ITGA6: variants seen among roughly 807,000 people sequenced by gnomAD.
ITGA6 encodes integrin subunit alpha 6, also known as integrin alpha-6.
In ITGA6, 63 loss-of-function variants were observed where a neutral mutation model predicts 133.6. The observed-to-expected ratio is 0.47, with a 90% CI of 0.38 to 0.58. ITGA6 has a LOEUF of 0.58. Among genes scored for constraint, ITGA6 ranks in the 20% least tolerant of loss-of-function variants. ITGA6 has a pLI of 0.00. For synonymous variants in ITGA6, 434 were observed against 482.0 expected, an observed-to-expected ratio of 0.90 and a Z score of 1.30; for missense variants, 1,068 against 1,309.4, an observed-to-expected ratio of 0.82 and a Z score of 2.85.
intron 9 of ITGA6, among the ~76,000 whole-genome samples, chr2:172,479,141 T>C (rs1030305866): frequency 2.0e-5 from 3 of 152,180 alleles, no homozygotes; most frequent in African/African-American, 7.2e-5. Context: ...GATGTTACAC[T>C]GATACAGTGT....
chr2:172,465,552 G>A lies in ITGA6; in HGVS notation c.196G>A (p.Ala66Thr). 1.9e-6 allele frequency: 3 copies of A among 1,614,172 alleles called. No homozygotes were observed. The highest frequency in any genetic ancestry group is 2.5e-6 in the Non-Finnish European group (3 of 1,180,024). ...TTTCATCAACAGGTTGCTCGTGGGG[G>A]CCCCGCGGGCAGAAGCGCTTCCACT... ...PEDKRLLLVG[A>T]PRAEALPLQR... The change falls in exon 2 of 26, where the codon GCC becomes ACC. Residue 66 changes from alanine to threonine, a missense_variant. By Grantham distance (58) the Ala-to-Thr change is moderately conservative. Coordinates refer to ENST00000684293, the MANE Select transcript of ITGA6 (RefSeq NM_000210.4).
chr2:172,433,173 A>G (rs146102063), intron 1 of ITGA6, among the ~76,000 whole-genome samples: 1 of 152,146 alleles, frequency 6.6e-6, no homozygotes, highest in Non-Finnish European at 1.5e-5. Context: ...GGGCTTGGGT[A>G]CAACTCTGGA....
At chr2:172,458,258 T>TG (rs1386530338) in intron 1 of ITGA6, among the ~76,000 whole-genome samples, 7 of 151,862 alleles carry the variant, frequency 4.6e-5, no homozygotes, top group African/African-American at 1.7e-4. Context: ...TTTTTTTTTT[T>TG]TTGAGACCAT....
intron 1 of ITGA6, among the ~76,000 whole-genome samples, chr2:172,430,060 CT>C (rs1463188604): frequency 2.0e-5 from 3 of 152,308 alleles, no homozygotes; most frequent in African/African-American, 7.2e-5. Flanking sequence ...TTTCAGGGAC[CT>C]GGTGGGAGAG....
intron 9 of ITGA6, 83 bp downstream of exon 9, chr2:172,476,596 C>A: frequency 1.2e-6 from 1 of 823,812 alleles, no homozygotes; most frequent in South Asian, 1.3e-5. Context: ...TGAAATTTGT[C>A]ATACCTATAC....
chr2:172,463,215 A>G (rs1326494559), intron 1 of ITGA6, among the ~76,000 whole-genome samples: 4 of 152,214 alleles, frequency 2.6e-5, no homozygotes, highest in Non-Finnish European at 5.9e-5. Flanking sequence ...TGGGATAAAC[A>G]GGAAATAAGC....
At chr2:172,448,568 T>G (rs909651677) in intron 1 of ITGA6, among the ~76,000 whole-genome samples, 30 of 152,252 alleles carry the variant, frequency 2.0e-4, no homozygotes, top group African/African-American at 7.0e-4. Flanking sequence ...GTTGGGGCAT[T>G]ATTAATAATA....
chr2:172,485,689 A>G (rs1016693949), intron 13 of ITGA6, among the ~76,000 whole-genome samples: 2 of 152,258 alleles, frequency 1.3e-5, no homozygotes, highest in Admixed American at 1.3e-4. Flanking sequence ...AAAAAGTATT[A>G]TTAGCATACA....
At chr2:172,461,490 C>T (rs542920455) in intron 1 of ITGA6, among the ~76,000 whole-genome samples, 1 of 152,184 alleles carries the variant, frequency 6.6e-6, no homozygotes, top group African/African-American at 2.4e-5. Context: ...ATTTCTATCA[C>T]CTCCCTACAA....
Position 172,501,816 on chromosome 2 carries a change from A to G in ITGA6, c.3159A>G (p.Thr1053=), listed in dbSNP as rs1024029933. Residue 1053 remains threonine, a synonymous_variant, in exon 25 of 26, where the codon ACA becomes ACG. Coordinates refer to ENST00000684293, the MANE Select transcript of ITGA6 (RefSeq NM_000210.4). ...ATAAGAAAGATCATTATGATGCCAC[A>G]TATCACAAGGCTGAGATCCATGCTC... ...KRNKKDHYDA[T]YHKAEIHAQP... 97 of 1,612,262 alleles carry G rather than the reference A, an allele frequency of 6.0e-5. No individual in the cohort carries two copies. The highest frequency in any genetic ancestry group is 7.8e-5 in the Non-Finnish European group (92 of 1,178,886).
chr2:172,501,915 GTTT>G lies in ITGA6; in HGVS notation c.*22+18_*22+20del, dbSNP rs748350725. On this transcript the variant is annotated intron_variant, in intron 25 of 25. Coordinates refer to ENST00000684293, the MANE Select transcript of ITGA6 (RefSeq NM_000210.4). ...CTTCTGTAATTGGTAATTGATCAATGTTTTTTAATTGCTAGCTGTGGGACCCGC... is the reference window on the plus strand; with the variant it reads ...CTTCTGTAATTGGTAATTGATCAATGTTTAATTGCTAGCTGTGGGACCCGC... 6.2e-7 allele frequency: 1 copy of G among 1,607,222 alleles called. No homozygotes were observed. The highest frequency in any genetic ancestry group is 1.7e-5 in the Admixed American group (1 of 59,826).
chr2:172,479,989 G>A lies in ITGA6; in HGVS notation c.1488-1G>A. ...AGAAATATGTGTTTGATTTTATTCA[G>A]CCTCCAGGTTAAATCCTGTTTTGAA... On this transcript the variant is annotated splice_acceptor_variant, in intron 10 of 25. Transcript: ENST00000684293. LOFTEE classifies it high-confidence loss of function. 6.3e-7 allele frequency: 1 copy of A among 1,589,174 alleles called. No homozygotes were observed. The highest frequency in any genetic ancestry group is 8.6e-7 in the Non-Finnish European group (1 of 1,157,334).
intron 1 of ITGA6, among the ~76,000 whole-genome samples, chr2:172,430,254 C>T (rs1291918229): frequency 1.3e-5 from 2 of 152,198 alleles, no homozygotes; most frequent in Admixed American, 6.5e-5. Flanking sequence ...TAAATGGTAG[C>T]TGTTAATGAT....
chr2:172,505,545 T>C lies in ITGA6; in HGVS notation c.*1477T>C, dbSNP rs988949834. Reference sequence around the variant, plus strand: ...GGCAGGGGGTGGAATTATTACTCTATACATTCAACAGAGACTGAATAGATA... The same window carrying C: ...GGCAGGGGGTGGAATTATTACTCTACACATTCAACAGAGACTGAATAGATA... On this transcript the variant is annotated 3_prime_UTR_variant, in exon 26 of 26. Coordinates refer to ENST00000684293, the MANE Select transcript of ITGA6 (RefSeq NM_000210.4). 1 of 152,640 alleles carries C rather than the reference T, an allele frequency of 6.6e-6. No homozygotes were observed. Among genetic ancestry groups the C allele is most frequent in the Admixed American group, 6.5e-5 (1 of 15,282 alleles). 9.5% of individuals were successfully genotyped at this position (152,640 alleles called of 1,614,324 possible).
chr2:172,484,749 C>T, intron 11 of ITGA6, 33 bp from the exon 12 acceptor site: 1 of 1,583,650 alleles, frequency 6.3e-7, no homozygotes, highest in Non-Finnish European at 8.7e-7. Flanking sequence ...TGCATGAATG[C>T]ACTTACGTTA....
intron 1 of ITGA6, among the ~76,000 whole-genome samples, chr2:172,433,480 G>A (rs1002434546): frequency 2.0e-5 from 3 of 152,180 alleles, no homozygotes; most frequent in African/African-American, 7.2e-5. Context: ...ATTTTGTGCA[G>A]GATTCCTAAC....
chr2:172,504,352 A>C lies in ITGA6; in HGVS notation c.*284A>C. 1.1e-6 allele frequency: 1 copy of C among 879,546 alleles called. No homozygotes were observed. Among genetic ancestry groups the C allele is most frequent in the Non-Finnish European group, 1.7e-6 (1 of 576,782 alleles). The allele number at this position is 879,546 out of a possible 1,614,324, so 54.5% of individuals were successfully genotyped here. A position where few individuals can be genotyped will look rare whatever the true frequency, so the allele number is the denominator to read the frequency against. ...AAGCCTGCTCAATCCCTGAGGACTGATTTCAGAGTGACTACACACAGTACG... is the reference window on the plus strand; with the variant it reads ...AAGCCTGCTCAATCCCTGAGGACTGCTTTCAGAGTGACTACACACAGTACG... On this transcript the variant is annotated 3_prime_UTR_variant, in exon 26 of 26. Coordinates refer to ENST00000684293, the MANE Select transcript of ITGA6 (RefSeq NM_000210.4).
intron 24 of ITGA6, among the ~76,000 whole-genome samples, chr2:172,500,284 T>C (rs1687295000): frequency 1.3e-5 from 2 of 152,042 alleles, no homozygotes; most frequent in Admixed American, 1.3e-4. Context: ...ATCACCTTCA[T>C]TTTGCTAACA....
intron 1 of ITGA6, among the ~76,000 whole-genome samples, chr2:172,444,507 C>T (rs115112679): frequency 0.016 from 2,492 of 152,000 alleles, 69 homozygotes; most frequent in African/African-American, 0.056. Context: ...GCAAGAGAAA[C>T]ATTCATTGGA....
Sources: allele counts gnomAD v4.1 joint callset (sites outside exome capture counted in the v4.1 genomes callset), GRCh38; gene constraint gnomAD v4.1.1; transcripts MANE v1.5; gene names NCBI Gene and HGNC (gene_info 2026-07-23, HGNC 2026-07-21).